PLXNB2: variants seen among roughly 807,000 people sequenced by gnomAD.
PLXNB2 encodes plexin-B2.
A neutral mutation model predicts 202.6 loss-of-function variants in PLXNB2; 85 were observed. That is an observed-to-expected ratio of 0.42 (90% confidence interval 0.35 to 0.50). PLXNB2 has a LOEUF of 0.50. Ranked by LOEUF, PLXNB2 falls within the 20% of genes least tolerant of loss-of-function variation. The probability of loss-of-function intolerance (pLI) is 0.02; values close to 1 mark genes in which losing one functional copy is unlikely to be tolerated. For synonymous variants in PLXNB2, 1,239 were observed against 1,137.6 expected, an observed-to-expected ratio of 1.09 and a Z score of -1.79; for missense variants, 2,063 against 2,586.2, an observed-to-expected ratio of 0.80 and a Z score of 4.39.
Position 50,284,334 on chromosome 22 carries a change from G to A in PLXNB2, c.2182-121C>T. On this transcript the variant is annotated intron_variant, in intron 12 of 36. Coordinates refer to ENST00000359337, the MANE Select transcript of PLXNB2 (RefSeq NM_012401.4). The surrounding 1 kb of genome is among the most constrained non-coding windows in gnomAD (Gnocchi z 8.0). ...CTTCCCAGCCAAGGGCAGCAGGGGA[G>A]GCCTTCAGGTGTCGGAAGTTCGGGA... The A allele has an allele frequency of 2.1e-6, 2 of 970,774 alleles. No homozygotes were observed. Among genetic ancestry groups the A allele is most frequent in the Non-Finnish European group, 3.2e-6 (2 of 615,558 alleles). The allele number at this position is 970,774 out of a possible 1,614,324, so 60.1% of individuals were successfully genotyped here.
At position 50,277,993 on chromosome 22, in the gene PLXNB2, C is replaced by T. The variant is rs371632984; in HGVS notation, c.4908G>A (p.Val1636=). ...CCAGCACGCTCTGGAAGAAGTTGTC[C>T]ACAAACTGCTGCAGTGTGCCCTGTG... is the stretch of plus-strand genomic sequence containing the variant. ...LSVKGTLQQF[V]DNFFQSVLAP... The change falls in exon 32 of 37, where the codon GTG becomes GTA. Residue 1636 remains valine (V), a synonymous_variant. Transcript: ENST00000359337. 2 of 1,612,834 alleles carry T rather than the reference C, an allele frequency of 1.2e-6. No homozygotes were observed. Among genetic ancestry groups the T allele is most frequent in the Admixed American group, 1.7e-5 (1 of 60,016 alleles).
rs558651178 is a variant in PLXNB2 at position 50,287,762 on chromosome 22, C to T, written c.1513G>A (p.Glu505Lys). The change falls in exon 7 of 37, where the codon GAG becomes AAG. Residue 505 changes from glutamate to lysine, a missense_variant. By Grantham distance (56) the Glu-to-Lys change is moderately conservative (BLOSUM62 1). Coordinates refer to ENST00000359337, the MANE Select transcript of PLXNB2 (RefSeq NM_012401.4). ...CTCCACAGCCAGTGGCTGGCCTCCTCGGCCCGCGGACACTCGGCCTTCCGG... is the reference window on the plus strand; with the variant it reads ...CTCCACAGCCAGTGGCTGGCCTCCTTGGCCCGCGGACACTCGGCCTTCCGG... ...CTRKAECPRAEEASHWLWSRS... is the reference protein window; with the variant it reads ...CTRKAECPRAKEASHWLWSRS... 85 of 1,579,176 alleles carry T rather than the reference C, an allele frequency of 5.4e-5. 1 individual carries two copies. Among genetic ancestry groups the T allele is most frequent in the South Asian group, 2.2e-4 (19 of 87,784 alleles).
chr22:50,290,047 C>T lies in PLXNB2; in HGVS notation c.538G>A (p.Gly180Ser), dbSNP rs373060838. ...AACAGCCGAGTGCTCACGATGATGC[C>T]GTTGTCGTGTGGCCCATTGCCTTTG... ...VGKGNGPHDN[G>S]IIVSTRLLDR... is the part of the protein sequence containing the mutation. The change falls in exon 3 of 37, where the codon GGC (glycine) becomes AGC (serine). Residue 180 changes from glycine to serine, a missense_variant. By Grantham distance (56) the Gly-to-Ser change is moderately conservative. Around this residue, in one of 2 missense-constraint regions of PLXNB2, gnomAD observed 1,303 missense variants for 1,476.8 expected, o/e 0.88. Coordinates refer to ENST00000359337, the MANE Select transcript of PLXNB2 (RefSeq NM_012401.4). The T allele has an allele frequency of 7.4e-5, 120 of 1,613,316 alleles. No homozygotes were observed. Among genetic ancestry groups the T allele is most frequent in the East Asian group, 1.3e-4 (6 of 44,902 alleles).
In PLXNB2 at chr22:50,281,593, G is replaced by C; in HGVS notation, c.3495C>G (p.Asp1165Glu). 1.2e-6 allele frequency: 2 copies of C among 1,610,932 alleles called. No individual in the cohort carries two copies. The highest frequency in any genetic ancestry group is 1.7e-6 in the Non-Finnish European group (2 of 1,178,756). The change falls in exon 21 of 37, where the codon GAC (aspartate) becomes GAG (glutamate). Residue 1165 changes from aspartate (D) to glutamate (E), a missense_variant. Coordinates refer to ENST00000359337, the MANE Select transcript of PLXNB2 (RefSeq NM_012401.4). The part of the protein sequence containing the change: ...QPPPKRRQKR[D>E]TTHNLPEFIV... ...TGAACTCGGGCAGGTTGTGTGTGGT[G>C]TCTCGTTTCTGCCGCCGCTTGGGCG...
intron 1 of PLXNB2, among the ~76,000 whole-genome samples, chr22:50,299,055 T>C (rs770199318): frequency 1.3e-5 from 2 of 152,106 alleles, no homozygotes; most frequent in Non-Finnish European, 2.9e-5. Context: ...CTGTGGGCTC[T>C]GGCACGGGAA....
At chr22:50,287,388 C>T (rs1221246696) in intron 7 of PLXNB2, 124 bp from the exon 8 acceptor site, 23 of 1,122,274 alleles carry the variant, frequency 2.0e-5, no homozygotes, top group South Asian at 8.3e-5. Flanking sequence ...CCCGACTCCA[C>T]GTCTTCCAAT....
At position 50,284,481 on chromosome 22, in the gene PLXNB2, C is replaced by A; in HGVS notation, c.2181+92G>T. 1 of 993,368 alleles carries A rather than the reference C, an allele frequency of 1.0e-6. No individual in the cohort carries two copies. The highest frequency in any genetic ancestry group is 1.5e-6 in the Non-Finnish European group (1 of 650,840). 61.5% of individuals were successfully genotyped at this position (993,368 alleles called of 1,614,324 possible). On this transcript the variant is annotated intron_variant, in intron 12 of 36. Coordinates refer to ENST00000359337, the MANE Select transcript of PLXNB2 (RefSeq NM_012401.4). This position sits in a 1 kb window ranked among gnomAD's most constrained non-coding sequence, Gnocchi z 8.0. The stretch of plus-strand genomic sequence containing the variant: ...GGCTCTGGTCCCTGGGGTCTCCCTG[C>A]TGCCCCTCCCCTCACAGTCCTGAAG...
intron 8 of PLXNB2, among the ~76,000 whole-genome samples, chr22:50,286,549 G>A (rs747219945): frequency 7.2e-5 from 11 of 152,200 alleles, no homozygotes; most frequent in African/African-American, 2.4e-4. Context: ...GCGCAGCACC[G>A]GGCTTGCCTT....
rs199891083 is a variant in PLXNB2, at chr22:50,290,276, G to A, written c.309C>T (p.Asp103=). The A allele has an allele frequency of 1.9e-6, 3 of 1,611,664 alleles. No homozygotes were observed. Among genetic ancestry groups the A allele is most frequent in the East Asian group, 2.2e-5 (1 of 44,900 alleles). Residue 103 remains aspartate (D), a synonymous_variant, in exon 3 of 37, where the codon GAC becomes GAT. Coordinates refer to ENST00000359337, the MANE Select transcript of PLXNB2 (RefSeq NM_012401.4). ...TDNVNQLLLL[D]PPRKRLVECG... Reference sequence around the variant, plus strand: ...ACTCCACCAGGCGCTTCCTGGGAGGGTCGAGCAGCAGCAGCTGGTTGACAT... The same window carrying A: ...ACTCCACCAGGCGCTTCCTGGGAGGATCGAGCAGCAGCAGCTGGTTGACAT...
chr22:50,307,021 G>A (rs1418875329), intron 1 of PLXNB2, among the ~76,000 whole-genome samples: 1 of 152,002 alleles, frequency 6.6e-6, no homozygotes, highest in African/African-American at 2.4e-5. Context: ...TGTGTCTCGG[G>A]GTGTCCACCC....
chr22:50,306,348 G>A (rs1360269524), intron 1 of PLXNB2, among the ~76,000 whole-genome samples: 1 of 152,184 alleles, frequency 6.6e-6, no homozygotes, highest in African/African-American at 2.4e-5. Flanking sequence ...CATGCAAAAA[G>A]CTGACTCGCC....
At chr22:50,292,065 C>T (rs1274799804) in intron 2 of PLXNB2, among the ~76,000 whole-genome samples, 1 of 152,204 alleles carries the variant, frequency 6.6e-6, no homozygotes, top group African/African-American at 2.4e-5. Context: ...TTGCCAGGCC[C>T]GGTGGCTCAC....
chr22:50,290,409 G>A lies in PLXNB2; in HGVS notation c.176C>T (p.Ala59Val), dbSNP rs776198723. ...CACCTGCTGCTCCAGCTGCAGCTTC[G>A]CATCCAGCTGGTAGAGGGCATTCAC... ...GAVNALYQLD[A>V]KLQLEQQVAT... Residue 59 changes from alanine to valine, a missense_variant, in exon 3 of 37, where the codon GCG becomes GTG. Ala to Val is a moderately conservative substitution (Grantham distance 64). This residue lies in a region of PLXNB2 where 1,303 missense variants were observed against 1,476.8 expected (regional missense o/e 0.88). Transcript: ENST00000359337. 5 of 1,612,918 alleles carry A rather than the reference G, an allele frequency of 3.1e-6. No individual in the cohort carries two copies. Among genetic ancestry groups the A allele is most frequent in the South Asian group, 2.2e-5 (2 of 91,086 alleles).
chr22:50,287,879 C>A, intron 6 of PLXNB2, 58 bp downstream of exon 6: 1 of 1,588,078 alleles, frequency 6.3e-7, no homozygotes. Flanking sequence ...CGACCCAGGC[C>A]ACGACCTTCC....
rs2065746948 is a variant in PLXNB2 at position 50,278,206 on chromosome 22, C to G, written c.4798G>C (p.Glu1600Gln). Residue 1600 changes from glutamate (E) to glutamine (Q), a missense_variant, in exon 31 of 37, where the codon GAG becomes CAG. This residue lies in a region of PLXNB2 where 760 missense variants were observed against 1,109.4 expected (regional missense o/e 0.69). Transcript: ENST00000359337. ...HLVRPTDEVD[E>Q]GKSKRGSVKE... ...ACGCTGCCTCTCTTGGACTTGCCCTCGTCCACCTCGTCGGTCGGCCGCACC... is the reference window on the plus strand; with the variant it reads ...ACGCTGCCTCTCTTGGACTTGCCCTGGTCCACCTCGTCGGTCGGCCGCACC... 2.5e-6 allele frequency: 4 copies of G among 1,608,932 alleles called. 1 individual carries two copies. The South Asian group carries it at 4.4e-5, about 18-fold the overall frequency.
intron 1 of PLXNB2, among the ~76,000 whole-genome samples, chr22:50,299,619 G>A (rs1313390670): frequency 6.6e-6 from 1 of 152,142 alleles, no homozygotes; most frequent in Non-Finnish European, 1.5e-5. Context: ...GCGTGGGGCT[G>A]GGGGGTCGGC....
In PLXNB2 at chr22:50,288,799, G is replaced by A. The variant is rs1170606000; in HGVS notation, c.1324C>T (p.Arg442Cys). The A allele has an allele frequency of 3.1e-6, 5 of 1,613,166 alleles. No individual in the cohort carries two copies. Among genetic ancestry groups the A allele is most frequent in the East Asian group, 2.2e-5 (1 of 44,872 alleles). ...AGGTCTCCAGACAGTACCAGGTCGC[G>A]CTTGACTCTCTTGTTTATCTCCACA... Reference protein sequence around the residue: ...ILVEINKRVKRDLVLSGDLGS... With the variant: ...ILVEINKRVKCDLVLSGDLGS... Residue 442 changes from arginine to cysteine, a missense_variant, in exon 5 of 37, where the codon CGC becomes TGC. Physicochemically the swap from Arg to Cys is radical, Grantham distance 180. Transcript: ENST00000359337. This position sits in a 1 kb window ranked among gnomAD's most constrained non-coding sequence, Gnocchi z 5.0.
chr22:50,294,211 C>T (rs184165619), intron 2 of PLXNB2, among the ~76,000 whole-genome samples: 26 of 152,378 alleles, frequency 1.7e-4, no homozygotes, highest in South Asian at 6.2e-4. Flanking sequence ...ACGGGGCTGG[C>T]GGGGATTTCC....
At chr22:50,307,461 C>T in intron 1 of PLXNB2, 92 bp downstream of exon 1, 1 of 713,508 alleles carries the variant, frequency 1.4e-6, no homozygotes, top group East Asian at 1.4e-4. Flanking sequence ...CGGGCCCCAG[C>T]GCGGCAGGCC....
Sources: allele counts gnomAD v4.1 joint callset (sites outside exome capture counted in the v4.1 genomes callset), GRCh38; gene constraint gnomAD v4.1.1; regional missense constraint gnomAD v4.1.1; non-coding constraint Gnocchi (gnomAD v3.1); transcripts MANE v1.5; gene names NCBI Gene and HGNC (gene_info 2026-07-23, HGNC 2026-07-21).